The following ENTPD3 variants were observed in gnomAD, a reference collection of about 807,000 sequenced individuals.
ENTPD3 encodes CD39 antigen-like 3.
A neutral mutation model predicts 51.2 loss-of-function variants in ENTPD3; 60 were observed. That is an observed-to-expected ratio of 1.17 (90% CI 0.95 to 1.45). The LOEUF is 1.45. Ranked by LOEUF, ENTPD3 falls within the 40% of genes most tolerant of loss-of-function variation. The probability of loss-of-function intolerance (pLI) is 0.00; values close to 1 mark genes in which losing one functional copy is unlikely to be tolerated. For synonymous variants in ENTPD3, 221 were observed against 238.4 expected (o/e 0.93, Z 0.67); for missense variants, 593 against 641.1 (o/e 0.93, Z 0.81).
intron 3 of ENTPD3, among the ~76,000 whole-genome samples, chr3:40,395,676 C>A (rs1459270309): frequency 6.6e-6 from 1 of 152,216 alleles, no homozygotes; most frequent in Non-Finnish European, 1.5e-5. Flanking sequence ...TATTTATTCA[C>A]CAGCTTCCAT....
chr3:40,407,268 G>T (rs1202582857), intron 4 of ENTPD3, among the ~76,000 whole-genome samples: 1 of 151,786 alleles, frequency 6.6e-6, no homozygotes, highest in Non-Finnish European at 1.5e-5. Flanking sequence ...GGTCTCTGTC[G>T]TAACTGCTCA....
intron 9 of ENTPD3, 123 bp downstream of exon 9, chr3:40,423,524 A>C (rs1955922937): frequency 1.3e-6 from 1 of 778,082 alleles, no homozygotes; most frequent in South Asian, 1.8e-5. Context: ...TGTAAAATAA[A>C]AGGAATAAGG....
intron 2 of ENTPD3, chr3:40,391,228 T>G (rs1448401034): frequency 6.6e-6 from 1 of 152,020 alleles, no homozygotes; most frequent in Non-Finnish European, 1.5e-5. Flanking sequence ...CCTCCCAAAG[T>G]GCTGGGATTA....
At chr3:40,394,115 T>G (rs2125588986) in intron 3 of ENTPD3, among the ~76,000 whole-genome samples, 1 of 151,670 alleles carries the variant, frequency 6.6e-6, no homozygotes, top group African/African-American at 2.4e-5. Context: ...ATTTTTTATT[T>G]TATTGTTATT....
intron 6 of ENTPD3, 22 bp downstream of exon 6, chr3:40,414,862 G>T: frequency 6.2e-7 from 1 of 1,613,090 alleles, no homozygotes; most frequent in African/African-American, 1.3e-5. Flanking sequence ...CAAATGCATG[G>T]TTTTTAATCT....
At chr3:40,387,964 T>A (rs986209319) in intron 1 of ENTPD3, 82 bp from the exon 2 acceptor site, 1 of 1,182,836 alleles carries the variant, frequency 8.5e-7, no homozygotes. Flanking sequence ...AAAATGGGTT[T>A]TGTCTTAACC....
intron 7 of ENTPD3, among the ~76,000 whole-genome samples, chr3:40,422,134 T>TCACACACACA (rs3064615): frequency 6.7e-6 from 1 of 148,760 alleles, no homozygotes; most frequent in African/African-American, 2.5e-5. Context: ...GAGGTAATTG[T>TCACACACACA]CACACACACA....
intron 4 of ENTPD3, among the ~76,000 whole-genome samples, chr3:40,409,527 A>T (rs1278338957): frequency 6.6e-6 from 1 of 152,222 alleles, no homozygotes; most frequent in South Asian, 2.1e-4. Context: ...ACGTCTGTGC[A>T]TCTTAATGGA....
intron 3 of ENTPD3, among the ~76,000 whole-genome samples, chr3:40,394,791 A>C (rs1955156558): frequency 6.6e-6 from 1 of 152,164 alleles, no homozygotes; most frequent in Non-Finnish European, 1.5e-5. Context: ...AGGTTTGTTG[A>C]ATTGAAGGAG....
intron 7 of ENTPD3, among the ~76,000 whole-genome samples, chr3:40,416,372 AACTGTTT>A (rs1435750850): frequency 6.6e-6 from 1 of 152,134 alleles, no homozygotes; most frequent in Non-Finnish European, 1.5e-5. Flanking sequence ...TATGGACACA[AACTGTTT>A]TAAACCAGGA....
chr3:40,390,015 A>G (rs1295113132), intron 2 of ENTPD3, among the ~76,000 whole-genome samples: 2 of 152,208 alleles, frequency 1.3e-5, no homozygotes, highest in Non-Finnish European at 2.9e-5. Flanking sequence ...GTGGTTATTG[A>G]ACACTGGAAA....
In ENTPD3 at chr3:40,427,375, TC is replaced by T. The variant is rs1559520921; in HGVS notation, c.1458del (p.Phe487LeufsTer77). 1 of 1,614,072 alleles carries T rather than the reference TC, an allele frequency of 6.2e-7. No individual in the cohort carries two copies. The highest frequency in any genetic ancestry group is 1.1e-5 in the South Asian group (1 of 91,074). ...ATCCGTCTGCCCATAGAACCACCTGTCTTTGTGGGCACCCTCGCTTTCTTCA... is the reference window on the plus strand; with the variant it reads ...ATCCGTCTGCCCATAGAACCACCTGTTTTGTGGGCACCCTCGCTTTCTTCA... The part of the protein sequence containing the change: ...PLIRLPIEPP[V>X]FVGTLAFFTA... On this transcript the variant is annotated frameshift_variant, in exon 11 of 11. Coordinates refer to ENST00000301825, the MANE Select transcript of ENTPD3 (RefSeq NM_001248.4). LOFTEE classifies it low-confidence loss of function (END_TRUNC).
intron 10 of ENTPD3, chr3:40,424,760 A>G: frequency 1.4e-6 from 1 of 702,212 alleles, no homozygotes; most frequent in Non-Finnish European, 2.6e-6. Flanking sequence ...GAATTTTCTC[A>G]TTTCAGGAAT....
chr3:40,411,991 A>T, intron 5 of ENTPD3, 29 bp downstream of exon 5: 1 of 1,594,486 alleles, frequency 6.3e-7, no homozygotes, highest in African/African-American at 1.3e-5. Context: ...AAAGGAGCCC[A>T]TTTGACCAAA....
intron 4 of ENTPD3, among the ~76,000 whole-genome samples, chr3:40,404,097 C>G (rs189445975): frequency 1.3e-5 from 2 of 152,204 alleles, no homozygotes; most frequent in African/African-American, 4.8e-5. Context: ...GCAGGCTGCT[C>G]CTTTCAAAGA....
At chr3:40,412,645 G>A (rs137933902) in intron 5 of ENTPD3, among the ~76,000 whole-genome samples, 218 of 152,184 alleles carry the variant, frequency 1.4e-3, no homozygotes, top group African/African-American at 5.1e-3. Flanking sequence ...GTTGGAATAA[G>A]GTTTTATCAC....
chr3:40,406,806 C>T (rs1168087752), intron 4 of ENTPD3, among the ~76,000 whole-genome samples: 1 of 152,140 alleles, frequency 6.6e-6, no homozygotes, highest in Non-Finnish European at 1.5e-5. Context: ...CCACACTTGG[C>T]CTTTTCCCTT....
At chr3:40,387,790 T>G (rs1954972052) in intron 1 of ENTPD3, among the ~76,000 whole-genome samples, 1 of 149,994 alleles carries the variant, frequency 6.7e-6, no homozygotes, top group South Asian at 2.1e-4. Context: ...GAAAAAGACC[T>G]TTTTTCGGAA....
rs544811377 is a variant in ENTPD3, at chr3:40,425,982, C to T, written c.1354-1290C>T. ...TAAAAAAAACTCCATTCATATGACT[C>T]AAGTATAGAAAATATCCACATGATA... On this transcript the variant is annotated intron_variant, in intron 10 of 10. Coordinates refer to ENST00000301825, the MANE Select transcript of ENTPD3 (RefSeq NM_001248.4). Among the ~76,000 whole-genome samples, 50 of 150,828 alleles carry T rather than the reference C, an allele frequency of 3.3e-4. 3 individuals are homozygous for T. In the South Asian group the frequency reaches 9.8e-3, roughly 30 times the overall value.
Sources: allele counts gnomAD v4.1 joint callset (sites outside exome capture counted in the v4.1 genomes callset), GRCh38; gene constraint gnomAD v4.1.1; transcripts MANE v1.5; gene names NCBI Gene and HGNC (gene_info 2026-07-23, HGNC 2026-07-21).